The following SANBR variants were observed in gnomAD, a reference collection of about 807,000 sequenced individuals.
SANBR encodes SANT and BTB domain regulator of class switch recombination.
SANBR carries 77 observed loss-of-function variants against 101.8 expected under a neutral mutation model. The observed-to-expected ratio is 0.76, with a 90% CI of 0.63 to 0.91. The LOEUF (loss-of-function observed/expected upper bound fraction) is 0.91. Ranked by LOEUF, SANBR falls within the 40% of genes least tolerant of loss-of-function variation. The pLI, the probability that SANBR is intolerant of heterozygous loss-of-function variation, is 0.00. For missense variants in SANBR, 875 were observed against 853.0 expected (o/e 1.03, Z -0.32); for synonymous variants, 279 against 274.7 (o/e 1.02, Z -0.15).
At chr2:61,117,954 A>G (rs749324760) in intron 19 of SANBR, 74 bp from the exon 20 acceptor site, 113 of 1,067,476 alleles carry the variant, frequency 1.1e-4, no homozygotes, top group Non-Finnish European at 1.5e-4. Flanking sequence ...CTAGGTGATT[A>G]CAGTCTTTTT....
In SANBR at chr2:61,117,515, C is replaced by T. The variant is rs775427345; in HGVS notation, c.1914C>T (p.Phe638=). The part of the protein sequence containing the change: ...NKWDATRSLR[F]NQDAQREDDQ... ...GGGATGCCACAAGATCCTTGAGATT[C>T]AACCAGGATGCACAAAGAGAAGACG... The change falls in exon 19 of 22, where the codon TTC becomes TTT. Residue 638 remains phenylalanine (F), a synonymous_variant. Transcript: ENST00000402291. 3.7e-6 allele frequency: 6 copies of T among 1,613,464 alleles called. No homozygotes were observed. The East Asian group carries it at 8.9e-5, about 24-fold the overall frequency.
At chr2:61,082,657 A>G (rs1317126995) in intron 7 of SANBR, among the ~76,000 whole-genome samples, 3 of 152,192 alleles carry the variant, frequency 2.0e-5, no homozygotes, top group East Asian at 1.9e-4. Flanking sequence ...TGTATCTACT[A>G]AAAATACAAA....
At chr2:61,066,707 A>C (rs1008263655) in intron 1 of SANBR, among the ~76,000 whole-genome samples, 2 of 152,188 alleles carry the variant, frequency 1.3e-5, no homozygotes, top group African/African-American at 2.4e-5. Context: ...CTCTGTCTCC[A>C]AGAGCTTTTT....
At chr2:61,104,310 A>G (rs186357622) in intron 13 of SANBR, among the ~76,000 whole-genome samples, 431 of 152,014 alleles carry the variant, frequency 2.8e-3, no homozygotes, top group Non-Finnish European at 4.5e-3. Context: ...GTGAAACCCC[A>G]TCTCTACTAA....
intron 10 of SANBR, 96 bp downstream of exon 10, chr2:61,088,564 G>C (rs1438007693): frequency 3.7e-6 from 3 of 805,994 alleles, no homozygotes; most frequent in Non-Finnish European, 5.5e-6. Flanking sequence ...CTGTCACCCA[G>C]GCTGGCGTGC....
Position 61,111,966 on chromosome 2 carries a change from G to A in SANBR, c.1744+2670G>A, listed in dbSNP as rs184605884. 5.9e-5 allele frequency among the ~76,000 whole-genome samples: 9 copies of A among 152,238 alleles called. No homozygotes were observed. In the East Asian group the frequency reaches 1.7e-3, roughly 29 times the overall value. ...CATTCCCAATTTCATGGGCATATGG[G>A]TGCTTTCCTCTTGTTGGCTGTTGTG... On this transcript the variant is annotated intron_variant, in intron 16 of 21. Coordinates refer to ENST00000402291, the MANE Select transcript of SANBR (RefSeq NM_001129993.3).
chr2:61,121,323 A>ATT, intron 21 of SANBR, 47 bp downstream of exon 21: 7 of 1,268,076 alleles, frequency 5.5e-6, no homozygotes, highest in Non-Finnish European at 7.7e-6. Flanking sequence ...TTTGAAGTGA[A>ATT]TTTTTTTTTT....
chr2:61,067,508 C>T (rs1341333423), intron 1 of SANBR, among the ~76,000 whole-genome samples: 1 of 152,082 alleles, frequency 6.6e-6, no homozygotes, highest in Non-Finnish European at 1.5e-5. Flanking sequence ...GAGGCCGAGA[C>T]GGGCGGATCA....
intron 13 of SANBR, among the ~76,000 whole-genome samples, chr2:61,105,927 C>T (rs931934213): frequency 2.6e-5 from 4 of 152,210 alleles, no homozygotes; most frequent in East Asian, 1.9e-4. Flanking sequence ...GCCTCGGCCT[C>T]GCAAAGTGCT....
chr2:61,082,828 A>G (rs1255938322), intron 7 of SANBR, among the ~76,000 whole-genome samples: 1 of 152,220 alleles, frequency 6.6e-6, no homozygotes, highest in Non-Finnish European at 1.5e-5. Context: ...CAGAAAAAAA[A>G]AAGAAGTTTA....
chr2:61,122,014 C>T, intron 21 of SANBR, 112 bp from the exon 22 acceptor site: 2 of 1,391,750 alleles, frequency 1.4e-6, no homozygotes, highest in Non-Finnish European at 1.9e-6. Context: ...TACGGAGCTG[C>T]AAGAAGATTT....
At chr2:61,073,414 C>T (rs377736645) in intron 4 of SANBR, 44 bp from the exon 5 acceptor site, 1 of 975,322 alleles carries the variant, frequency 1.0e-6, no homozygotes, top group Non-Finnish European at 1.6e-6. Context: ...GAAACACTAA[C>T]CCCCACCTTT....
intron 1 of SANBR, 108 bp from the exon 2 acceptor site, chr2:61,068,741 G>A (rs1410421694): frequency 6.6e-6 from 1 of 152,306 alleles, no homozygotes; most frequent in Admixed American, 6.5e-5. Context: ...CTCTGGAGTG[G>A]TAGTGCTGCT....
At chr2:61,104,062 C>T in intron 13 of SANBR, 64 bp downstream of exon 13, 1 of 1,467,848 alleles carries the variant, frequency 6.8e-7, no homozygotes, top group South Asian at 1.2e-5. Context: ...TTTCAGAATC[C>T]CTTATCCCCA....
At chr2:61,076,126 TGGGACTG>T (rs1449675619) in intron 5 of SANBR, among the ~76,000 whole-genome samples, 5 of 151,234 alleles carry the variant, frequency 3.3e-5, no homozygotes, top group Admixed American at 1.3e-4. Flanking sequence ...CCTAGGTAGC[TGGGACTG>T]CAGGTGCATG....
chr2:61,106,710 G>A (rs1486259786), intron 14 of SANBR, 48 bp downstream of exon 14: 2 of 1,126,304 alleles, frequency 1.8e-6, no homozygotes, highest in East Asian at 2.4e-5. Flanking sequence ...AATAATTAAT[G>A]ACATTTAATC....
chr2:61,087,442 C>T (rs556660782), intron 8 of SANBR, among the ~76,000 whole-genome samples: 2 of 151,486 alleles, frequency 1.3e-5, no homozygotes, highest in Non-Finnish European at 2.9e-5. Context: ...CACAGTAGTC[C>T]TAGCTACTTG....
At position 61,089,273 on chromosome 2, in the gene SANBR, G is replaced by A. The variant is rs577642745; in HGVS notation, c.1088+805G>A. On this transcript the variant is annotated intron_variant, in intron 10 of 21. Coordinates refer to ENST00000402291, the MANE Select transcript of SANBR (RefSeq NM_001129993.3). Reference sequence around the variant, plus strand: ...CACCTATAATCCCAGCACTTTGGGAGGCCAAGTCAGGTGGATCACCTGAGG... The same window carrying A: ...CACCTATAATCCCAGCACTTTGGGAAGCCAAGTCAGGTGGATCACCTGAGG... The A allele has an allele frequency of 2.5e-5, 19 of 769,198 alleles. No homozygotes were observed. In the African/African-American group the frequency reaches 3.6e-4, roughly 14 times the overall value. The allele number at this position is 769,198 out of a possible 1,614,324, so 47.6% of individuals were successfully genotyped here. A position where few individuals can be genotyped will look rare whatever the true frequency, so the allele number is the denominator to read the frequency against.
chr2:61,136,253 A>G (rs1684842355), intron 21 of SANBR, among the ~76,000 whole-genome samples: 1 of 150,436 alleles, frequency 6.6e-6, no homozygotes, highest in African/African-American at 2.4e-5. Context: ...GCAGTGAGCC[A>G]AGATCGCACC....
Sources: gnomAD v4.1 joint callset for allele counts (sites outside exome capture counted in the v4.1 genomes callset) on GRCh38, gnomAD v4.1.1 for gene constraint, MANE v1.5 for transcripts, NCBI Gene and HGNC (gene_info 2026-07-23, HGNC 2026-07-21) for gene names.